The following ARHGAP32 variants were observed in gnomAD, a reference collection of about 807,000 sequenced individuals.
The protein encoded by ARHGAP32 is rho GTPase-activating protein 32.
ARHGAP32 carries 51 observed loss-of-function variants against 186.5 expected under a neutral mutation model. The observed-to-expected ratio is 0.27, with a 90% CI of 0.22 to 0.35. ARHGAP32 has a LOEUF of 0.35. Among genes scored for constraint, ARHGAP32 ranks in the 10% least tolerant of loss-of-function variants. The probability of loss-of-function intolerance (pLI) is 1.00; values close to 1 mark genes in which losing one functional copy is unlikely to be tolerated. For synonymous variants in ARHGAP32, 950 were observed against 964.3 expected, an observed-to-expected ratio of 0.99 and a Z score of 0.27; for missense variants, 2,186 against 2,623.5, an observed-to-expected ratio of 0.83 and a Z score of 3.64.
intron 2 of ARHGAP32, among the ~76,000 whole-genome samples, chr11:129,127,366 AGAG>A (rs1471123778): frequency 6.6e-6 from 1 of 152,250 alleles, no homozygotes; most frequent in East Asian, 1.9e-4. Context: ...AAAAAGCTTC[AGAG>A]GATTCAAGAA....
chr11:128,993,244 T>C (rs1158300608), intron 12 of ARHGAP32: 1 of 152,220 alleles, frequency 6.6e-6, no homozygotes, highest in Non-Finnish European at 1.5e-5. Flanking sequence ...TTATTTTATA[T>C]GGAATGCTTC....
chr11:129,234,835 C>T (rs957783236), intron 1 of ARHGAP32, among the ~76,000 whole-genome samples: 2 of 151,886 alleles, frequency 1.3e-5, no homozygotes, highest in Non-Finnish European at 2.9e-5. Context: ...AACAAACAAA[C>T]AAAAAAACAC....
intron 1 of ARHGAP32, among the ~76,000 whole-genome samples, chr11:129,251,697 G>T (rs559356125): frequency 6.6e-5 from 10 of 152,062 alleles, no homozygotes; most frequent in Middle Eastern, 3.4e-3. Context: ...AGGCCGAGGT[G>T]GGGGGATCAC....
At chr11:129,221,194 C>T (rs568508836) in intron 1 of ARHGAP32, among the ~76,000 whole-genome samples, 107 of 152,094 alleles carry the variant, frequency 7.0e-4, no homozygotes, top group African/African-American at 2.5e-3. Flanking sequence ...TGATACTGCC[C>T]GCAAAAATAA....
chr11:128,970,043 G>A lies in ARHGAP32; in HGVS notation c.5170C>T (p.Arg1724Cys), dbSNP rs202185475. Reference sequence around the variant, plus strand: ...TAGCCAGTCACGTTGGCCCGGGGACGTGGAGCCAAACCAGCATAACTGTAC... The same window carrying A: ...TAGCCAGTCACGTTGGCCCGGGGACATGGAGCCAAACCAGCATAACTGTAC... ...SLYSYAGLAPRPRANVTGYFS... is the reference protein window; with the variant it reads ...SLYSYAGLAPCPRANVTGYFS... The change falls in exon 23 of 23, where the codon CGT becomes TGT. Residue 1724 changes from arginine (R) to cysteine (C), a missense_variant. Arg to Cys is a radical substitution (Grantham distance 180). Transcript: ENST00000682385. This position sits in a 1 kb window ranked among gnomAD's most constrained non-coding sequence, Gnocchi z 5.8. The A allele has an allele frequency of 7.2e-5, 117 of 1,614,170 alleles. No homozygotes were observed. Among genetic ancestry groups the A allele is most frequent in the Non-Finnish European group, 8.8e-5 (104 of 1,180,036 alleles).
intron 1 of ARHGAP32, among the ~76,000 whole-genome samples, chr11:129,215,965 G>A (rs905531762): frequency 6.6e-6 from 1 of 152,158 alleles, no homozygotes; most frequent in Non-Finnish European, 1.5e-5. Flanking sequence ...GGCAGAGGGG[G>A]TCTGGACACA....
At chr11:129,254,168 G>C (rs1945225026) in intron 1 of ARHGAP32, among the ~76,000 whole-genome samples, 1 of 151,980 alleles carries the variant, frequency 6.6e-6, no homozygotes, top group Non-Finnish European at 1.5e-5. Flanking sequence ...TAATTGAAAG[G>C]GGGGGAAATA....
intron 11 of ARHGAP32, among the ~76,000 whole-genome samples, chr11:129,006,720 C>T (rs1937794092): frequency 6.6e-6 from 1 of 152,208 alleles, no homozygotes; most frequent in Admixed American, 6.5e-5. Flanking sequence ...CCCACTGTAA[C>T]TGCTACCTGG....
At chr11:129,064,723 A>G (rs1458245483) in intron 8 of ARHGAP32, 118 bp downstream of exon 8, 1 of 729,068 alleles carries the variant, frequency 1.4e-6, no homozygotes, top group Non-Finnish European at 2.3e-6. Context: ...GATGCTGAGA[A>G]TATACTTCAT....
chr11:129,172,009 C>T (rs970488867), intron 1 of ARHGAP32, among the ~76,000 whole-genome samples: 1 of 152,136 alleles, frequency 6.6e-6, no homozygotes, highest in East Asian at 1.9e-4. Flanking sequence ...GGGATTTTTA[C>T]ACATTGATTT....
Position 129,039,290 on chromosome 11 carries a change from T to C in ARHGAP32, c.1045+1638A>G, listed in dbSNP as rs557175755. The stretch of plus-strand genomic sequence containing the variant: ...ATCCACATGTAATATTGTACATGAA[T>C]ATTCAGAGAAGCCAAAAATGGAAAC... On this transcript the variant is annotated intron_variant, in intron 11 of 22. Transcript: ENST00000682385. Among the ~76,000 whole-genome samples the C allele has an allele frequency of 2.8e-4, 42 of 152,326 alleles. No individual in the cohort carries two copies. The South Asian group carries it at 8.7e-3, about 32-fold the overall frequency.
At chr11:129,101,952 G>C (rs931416884) in intron 5 of ARHGAP32, among the ~76,000 whole-genome samples, 1 of 152,142 alleles carries the variant, frequency 6.6e-6, no homozygotes, top group Admixed American at 6.5e-5. Context: ...AAGGCAGCTA[G>C]AAAGAAAGGT....
At chr11:129,090,637 T>C (rs1194222716) in intron 6 of ARHGAP32, among the ~76,000 whole-genome samples, 1 of 152,052 alleles carries the variant, frequency 6.6e-6, no homozygotes, top group Admixed American at 6.6e-5. Flanking sequence ...ACAGCACAGG[T>C]AGAAAAAAAC....
chr11:129,066,770 T>C lies in ARHGAP32; in HGVS notation c.630A>G (p.Ser210=). 1 of 1,612,484 alleles carries C rather than the reference T, an allele frequency of 6.2e-7. No individual in the cohort carries two copies. Among genetic ancestry groups the C allele is most frequent in the Non-Finnish European group, 8.5e-7 (1 of 1,178,970 alleles). The change falls in exon 7 of 23, where the codon TCA becomes TCG. Residue 210 remains serine, a synonymous_variant. Transcript: ENST00000682385. ...TCAGGGTGTCAGAACGGGGAAGTTC[T>C]GAGAGCTGGGAAAATCTTCGGTCAT... ...CIYDRRFSQL[S]ELPRSDTLKD...
At chr11:128,981,324 G>A (rs1379644462) in intron 17 of ARHGAP32, 92 bp downstream of exon 17, 5 of 1,380,546 alleles carry the variant, frequency 3.6e-6, no homozygotes, top group South Asian at 1.5e-5. Context: ...CCAGTGACAC[G>A]TTTTTGTTGT....
intron 1 of ARHGAP32, among the ~76,000 whole-genome samples, chr11:129,252,067 AAATATCAATTATTAAAAGTAGT>A (rs1201743557): frequency 6.6e-6 from 1 of 152,170 alleles, no homozygotes; most frequent in East Asian, 1.9e-4. Flanking sequence ...AATATAATTT[AAATATCAATTATTAAAAGTAGT>A]AATATCAATT....
At chr11:129,034,806 C>T (rs183591642) in intron 11 of ARHGAP32, among the ~76,000 whole-genome samples, 11 of 135,124 alleles carry the variant, frequency 8.1e-5, no homozygotes, top group South Asian at 7.1e-4. Flanking sequence ...GGAGACAGAG[C>T]GAAACTGTCT....
intron 11 of ARHGAP32, among the ~76,000 whole-genome samples, chr11:129,039,351 T>C (rs1353682574): frequency 5.3e-5 from 8 of 152,244 alleles, no homozygotes; most frequent in Admixed American, 1.3e-4. Context: ...ATGTGGCATA[T>C]GCATACAATG....
At chr11:129,056,397 C>T (rs1940254978) in intron 10 of ARHGAP32, among the ~76,000 whole-genome samples, 1 of 152,076 alleles carries the variant, frequency 6.6e-6, no homozygotes, top group Non-Finnish European at 1.5e-5. Flanking sequence ...TAGACATGTA[C>T]CACTTCGCCT....
Sources: gnomAD v4.1 joint callset for allele counts (sites outside exome capture counted in the v4.1 genomes callset) on GRCh38, gnomAD v4.1.1 for gene constraint, Gnocchi (gnomAD v3.1) non-coding constraint, MANE v1.5 for transcripts, NCBI Gene and HGNC (gene_info 2026-07-23, HGNC 2026-07-21) for gene names.